The following HDAC9 variants were observed in gnomAD, a reference collection of about 807,000 sequenced individuals.
HDAC9 encodes histone deacetylase 9, also known as MEF-2 interacting transcription repressor (MITR) protein.
A neutral mutation model predicts 139.4 loss-of-function variants in HDAC9; 41 were observed. The ratio of observed to expected loss-of-function variants is 0.29; its 90% CI spans 0.23 to 0.38. The LOEUF is 0.38. HDAC9 is among the 10% of genes least tolerant of loss of function. The pLI is 1.00. For synonymous variants in HDAC9, 517 were observed against 476.2 expected (o/e 1.09, Z -1.12); for missense variants, 1,147 against 1,297.0 (o/e 0.88, Z 1.78).
chr7:18,906,758 CCTTGT>C (rs1158885428), intron 22 of HDAC9, among the ~76,000 whole-genome samples: 1 of 152,176 alleles, frequency 6.6e-6, no homozygotes, highest in African/African-American at 2.4e-5. Context: ...AATGCAGATT[CCTTGT>C]CTTAACAGCT....
intron 2 of HDAC9, among the ~76,000 whole-genome samples, chr7:18,520,793 A>G (rs1384110391): frequency 6.6e-6 from 1 of 152,190 alleles, no homozygotes; most frequent in Non-Finnish European, 1.5e-5. Context: ...GGTTTATGAA[A>G]GAAGATAGCC....
chr7:18,220,283 G>T (rs942585719), intron 2 of HDAC9, among the ~76,000 whole-genome samples: 1 of 152,092 alleles, frequency 6.6e-6, no homozygotes, highest in Non-Finnish European at 1.5e-5. Context: ...TGCAATTATC[G>T]CATTGCTATA....
At chr7:18,589,113 C>G (rs1426673022) in intron 3 of HDAC9, among the ~76,000 whole-genome samples, 1 of 152,090 alleles carries the variant, frequency 6.6e-6, no homozygotes, top group African/African-American at 2.4e-5. Flanking sequence ...CTACTAATGT[C>G]AGAACCTAAG....
At chr7:18,822,162 T>C (rs1227681358) in intron 17 of HDAC9, among the ~76,000 whole-genome samples, 1 of 152,134 alleles carries the variant, frequency 6.6e-6, no homozygotes, top group African/African-American at 2.4e-5. Context: ...CTCTCTCTCC[T>C]CCCCAGAGGT....
At chr7:18,760,639 G>T (rs1204414100) in intron 14 of HDAC9, among the ~76,000 whole-genome samples, 1 of 152,188 alleles carries the variant, frequency 6.6e-6, no homozygotes, top group Non-Finnish European at 1.5e-5. Context: ...TACAAAGAAA[G>T]TTCCATAAGT....
chr7:18,220,292 TAA>T (rs934662545), intron 2 of HDAC9, among the ~76,000 whole-genome samples: 1 of 152,178 alleles, frequency 6.6e-6, no homozygotes, highest in African/African-American at 2.4e-5. Context: ...CGCATTGCTA[TAA>T]AAGTTTGCTG....
At chr7:18,951,244 A>T (rs980982890) in intron 23 of HDAC9, among the ~76,000 whole-genome samples, 1 of 152,018 alleles carries the variant, frequency 6.6e-6, no homozygotes, top group African/African-American at 2.4e-5. Flanking sequence ...CTTAGAATGT[A>T]TATGGTATAT....
rs566720808 is a variant in HDAC9 at position 18,726,037 on chromosome 7, T to C, written c.1732-1543T>C. Among the ~76,000 whole-genome samples, 404 of 152,342 alleles carry C rather than the reference T, an allele frequency of 2.7e-3. 6 individuals carry two copies. Among genetic ancestry groups the C allele is most frequent in the Non-Finnish European group, 5.7e-4 (39 of 68,040 alleles). Reference sequence around the variant, plus strand: ...CAACATACACATTAGTTATAACCTATTTTAAAGTTGATTTTAAATCATTCT... The same window carrying C: ...CAACATACACATTAGTTATAACCTACTTTAAAGTTGATTTTAAATCATTCT... On this transcript the variant is annotated intron_variant, in intron 12 of 25. Transcript: ENST00000686413.
chr7:18,983,227 C>T (rs1785076704), intron 25 of HDAC9, among the ~76,000 whole-genome samples: 1 of 152,192 alleles, frequency 6.6e-6, no homozygotes, highest in Admixed American at 6.5e-5. Flanking sequence ...TGGCTTACTT[C>T]ACTTAGTGTA....
At chr7:18,465,298 C>T (rs1406009298) in intron 1 of HDAC9, among the ~76,000 whole-genome samples, 1 of 151,784 alleles carries the variant, frequency 6.6e-6, no homozygotes, top group Non-Finnish European at 1.5e-5. Flanking sequence ...CTTATAGGTT[C>T]TTTTATTTCT....
intron 12 of HDAC9, among the ~76,000 whole-genome samples, chr7:18,698,524 C>T (rs192625665): frequency 6.6e-6 from 1 of 152,330 alleles, no homozygotes; most frequent in Non-Finnish European, 1.5e-5. Flanking sequence ...TAGTATTTCT[C>T]TAATCACCAA....
intron 2 of HDAC9, among the ~76,000 whole-genome samples, chr7:18,522,271 A>C (rs564958912): frequency 9.8e-5 from 15 of 152,314 alleles, no homozygotes; most frequent in Non-Finnish European, 2.2e-4. Context: ...ACACTCTGAA[A>C]GACTAAACCA....
At chr7:18,726,069 T>A (rs1785522579) in intron 12 of HDAC9, among the ~76,000 whole-genome samples, 1 of 152,264 alleles carries the variant, frequency 6.6e-6, no homozygotes, top group Admixed American at 6.5e-5. Flanking sequence ...TTCTTTTTTC[T>A]AAATTCAGAA....
chr7:18,733,368 C>G (rs1786573441), intron 13 of HDAC9, among the ~76,000 whole-genome samples: 3 of 149,696 alleles, frequency 2.0e-5, no homozygotes, highest in Non-Finnish European at 1.5e-5. Context: ...TGTGTTAAGG[C>G]CTTCTAGAGT....
At chr7:18,163,381 C>T (rs1302975492) in intron 2 of HDAC9, among the ~76,000 whole-genome samples, 2 of 152,212 alleles carry the variant, frequency 1.3e-5, no homozygotes, top group African/African-American at 4.8e-5. Flanking sequence ...CTTACTTATG[C>T]CTGTTAGCTC....
In HDAC9 at chr7:18,767,069, C is replaced by A. The variant is rs111459631; in HGVS notation, c.2165-37C>A. 6.1e-6 allele frequency: 6 copies of A among 983,348 alleles called. No individual in the cohort carries two copies. The African/African-American group carries it at 6.8e-5, about 11-fold the overall frequency. The allele number at this position is 983,348 out of a possible 1,614,324, so 60.9% of individuals were successfully genotyped here. ...AACATTTTAAAAATTATATAACCTC[C>A]ATTTATCTATATTTTTTATGTCTTC... On this transcript the variant is annotated intron_variant, in intron 15 of 25. Transcript: ENST00000686413.
chr7:18,226,061 C>T (rs1231103569), intron 2 of HDAC9, among the ~76,000 whole-genome samples: 1 of 152,104 alleles, frequency 6.6e-6, no homozygotes, highest in Non-Finnish European at 1.5e-5. Flanking sequence ...TTGCCTCTTT[C>T]CAGCTATCTT....
At chr7:18,214,650 A>G (rs976059388) in intron 2 of HDAC9, among the ~76,000 whole-genome samples, 1 of 152,054 alleles carries the variant, frequency 6.6e-6, no homozygotes, top group Non-Finnish European at 1.5e-5. Flanking sequence ...AAACTTATAT[A>G]TAATATATGA....
chr7:18,246,837 C>G (rs1201135595), intron 2 of HDAC9, among the ~76,000 whole-genome samples: 1 of 151,982 alleles, frequency 6.6e-6, no homozygotes, highest in African/African-American at 2.4e-5. Flanking sequence ...CAGTGTAATC[C>G]AGGTGAGAGG....
Sources: gnomAD v4.1 joint callset for allele counts (sites outside exome capture counted in the v4.1 genomes callset) on GRCh38, gnomAD v4.1.1 for gene constraint, MANE v1.5 for transcripts, NCBI Gene and HGNC (gene_info 2026-07-23, HGNC 2026-07-21) for gene names.